TIMP3: variants seen among roughly 807,000 people sequenced by gnomAD.
The protein encoded by TIMP3 is TIMP metallopeptidase inhibitor 3.
Under a neutral mutation model 30.0 loss-of-function variants are expected in TIMP3, and 11 were observed. The ratio of observed to expected loss-of-function variants is 0.37; its 90% confidence interval spans 0.23 to 0.61. The LOEUF (loss-of-function observed/expected upper bound fraction) is 0.61. Ranked by LOEUF, TIMP3 falls within the 20% of genes least tolerant of loss-of-function variation. The pLI, the probability that TIMP3 is intolerant of heterozygous loss-of-function variation, is 0.70. For missense variants in TIMP3, 181 were observed against 276.8 expected (o/e 0.65, Z 2.45); for synonymous variants, 112 against 111.3 (o/e 1.01, Z -0.04).
intron 1 of TIMP3, among the ~76,000 whole-genome samples, chr22:32,847,614 C>T (rs1178960682): frequency 6.6e-6 from 1 of 152,142 alleles, no homozygotes; most frequent in Non-Finnish European, 1.5e-5. Context: ...TTTTTAAAAA[C>T]AGAGATTAGA....
At chr22:32,844,924 T>C (rs2048017843) in intron 1 of TIMP3, among the ~76,000 whole-genome samples, 1 of 152,190 alleles carries the variant, frequency 6.6e-6, no homozygotes, top group African/African-American at 2.4e-5. Context: ...AGACAAGGTC[T>C]CACTGTGTTG....
At chr22:32,833,165 G>A (rs200613326) in intron 1 of TIMP3, among the ~76,000 whole-genome samples, 4 of 152,100 alleles carry the variant, frequency 2.6e-5, no homozygotes, top group Admixed American at 1.3e-4. Context: ...TATACTGATC[G>A]GTGGCTCCTG....
In TIMP3 at chr22:32,859,342, C is replaced by T. The variant is rs1337907303; in HGVS notation, c.601C>T (p.Pro201Ser). ...CAGCTGGTACCGAGGATGGGCCCCC[C>T]CGGATAAAAGCATCATCAATGCCAC... is the stretch of plus-strand genomic sequence containing the variant. Reference protein sequence around the residue: ...YCSWYRGWAPPDKSIINATDP With the variant: ...YCSWYRGWAPSDKSIINATDP Residue 201 changes from proline to serine, a missense_variant, in exon 5 of 5, where the codon CCG becomes TCG. By Grantham distance (74) the Pro-to-Ser change is moderately conservative. Coordinates refer to ENST00000266085, the MANE Select transcript of TIMP3 (RefSeq NM_000362.5). 3 of 1,613,164 alleles carry T rather than the reference C, an allele frequency of 1.9e-6. No individual in the cohort carries two copies. Among genetic ancestry groups the T allele is most frequent in the South Asian group, 1.1e-5 (1 of 91,078 alleles).
chr22:32,829,931 C>T (rs1425704995), intron 1 of TIMP3, among the ~76,000 whole-genome samples: 1 of 152,202 alleles, frequency 6.6e-6, no homozygotes, highest in Non-Finnish European at 1.5e-5. Flanking sequence ...AGTGACGCCT[C>T]CTCTTCCTGC....
intron 1 of TIMP3, among the ~76,000 whole-genome samples, chr22:32,831,072 T>C (rs188578483): frequency 6.6e-6 from 1 of 152,288 alleles, no homozygotes; most frequent in East Asian, 1.9e-4. Context: ...GCAGCTTCCA[T>C]GGCTGGGATG....
intron 1 of TIMP3, among the ~76,000 whole-genome samples, chr22:32,812,601 C>A (rs770811807): frequency 1.4e-4 from 21 of 152,160 alleles, no homozygotes; most frequent in Non-Finnish European, 1.6e-4. Context: ...TAAGGCTTTC[C>A]TTATCCACAG....
chr22:32,814,439 C>T (rs964017863), intron 1 of TIMP3, among the ~76,000 whole-genome samples: 1 of 152,046 alleles, frequency 6.6e-6, no homozygotes, highest in African/African-American at 2.4e-5. Flanking sequence ...GCTAAGCTAC[C>T]GTATTAAACA....
At chr22:32,849,314 C>T in intron 1 of TIMP3, 138 bp from the exon 2 acceptor site, 1 of 726,554 alleles carries the variant, frequency 1.4e-6, no homozygotes, top group Non-Finnish European at 2.5e-6. Flanking sequence ...CTTGTAAACA[C>T]AATCATCTAT....
At position 32,801,991 on chromosome 22, in the gene TIMP3, C is replaced by A. The variant is rs1359655536; in HGVS notation, c.-11C>A. The A allele has an allele frequency of 3.8e-6, 6 of 1,582,988 alleles. No homozygotes were observed. The highest frequency in any genetic ancestry group is 4.3e-6 in the Non-Finnish European group (5 of 1,171,422). ...CGAGCAGCAGCCCCGGCAGCGGCGG[C>A]AGCAGCGGCAATGACCCCTTGGCTC... On this transcript the variant is annotated 5_prime_UTR_variant, in exon 1 of 5. Transcript: ENST00000266085. The surrounding 1 kb of genome is among the most constrained non-coding windows in gnomAD (Gnocchi z 4.7).
chr22:32,841,937 G>A (rs2047918193), intron 1 of TIMP3, among the ~76,000 whole-genome samples: 2 of 152,170 alleles, frequency 1.3e-5, no homozygotes, highest in African/African-American at 4.8e-5. Flanking sequence ...ATGGTGCTGA[G>A]ACCCACAAGC....
intron 1 of TIMP3, among the ~76,000 whole-genome samples, chr22:32,822,670 C>G (rs1016723678): frequency 2.6e-5 from 4 of 152,196 alleles, no homozygotes; most frequent in African/African-American, 9.7e-5. Flanking sequence ...CAGTGAAGAT[C>G]TGCACTTCCT....
chr22:32,856,551 G>A (rs1192640933), intron 2 of TIMP3, among the ~76,000 whole-genome samples: 1 of 152,112 alleles, frequency 6.6e-6, no homozygotes, highest in Non-Finnish European at 1.5e-5. Context: ...ATAATAAATG[G>A]ACATATTTTG....
chr22:32,820,024 A>AT (rs1452939140), intron 1 of TIMP3, among the ~76,000 whole-genome samples: 2 of 151,712 alleles, frequency 1.3e-5, no homozygotes, highest in Non-Finnish European at 2.9e-5. Context: ...CCTTGAGGGG[A>AT]TTTTTTGGTG....
chr22:32,826,216 G>A (rs969725271), intron 1 of TIMP3, among the ~76,000 whole-genome samples: 9 of 152,148 alleles, frequency 5.9e-5, no homozygotes, highest in African/African-American at 2.2e-4. Flanking sequence ...ATCACTTGAG[G>A]TCAGGAGTTT....
Position 32,859,614 on chromosome 22 carries a change from G to T in TIMP3, c.*237G>T. The T allele has an allele frequency of 1.8e-6, 1 of 551,048 alleles. No individual in the cohort carries two copies. The highest frequency in any genetic ancestry group is 2.6e-5 in the South Asian group (1 of 38,304). The allele number at this position is 551,048 out of a possible 1,614,324, so 34.1% of individuals were successfully genotyped here. ...CATTCATTTCCACCTGGGAATTTCT[G>T]GTGCCATGCCAGAAAGAATGAGGAA... On this transcript the variant is annotated 3_prime_UTR_variant, in exon 5 of 5. Coordinates refer to ENST00000266085, the MANE Select transcript of TIMP3 (RefSeq NM_000362.5).
chr22:32,845,841 T>A (rs1230794636), intron 1 of TIMP3, among the ~76,000 whole-genome samples: 1 of 152,130 alleles, frequency 6.6e-6, no homozygotes, highest in East Asian at 1.9e-4. Flanking sequence ...CCACCCCACT[T>A]CCCTTGTTCC....
At chr22:32,822,651 G>A (rs1222505493) in intron 1 of TIMP3, among the ~76,000 whole-genome samples, 2 of 152,152 alleles carry the variant, frequency 1.3e-5, no homozygotes, top group African/African-American at 4.8e-5. Flanking sequence ...AGATTATGGT[G>A]CGTTCATACA....
chr22:32,849,754 G>A (rs1259019193), intron 2 of TIMP3, among the ~76,000 whole-genome samples: 1 of 152,164 alleles, frequency 6.6e-6, no homozygotes, highest in Non-Finnish European at 1.5e-5. Context: ...TGCAGGTGGA[G>A]TCACTCCAAG....
intron 2 of TIMP3, among the ~76,000 whole-genome samples, chr22:32,854,174 A>G (rs917502043): frequency 6.6e-6 from 1 of 152,330 alleles, no homozygotes; most frequent in African/African-American, 2.4e-5. Flanking sequence ...AACACAACTG[A>G]GTAGAATCTA....
Sources: allele counts gnomAD v4.1 joint callset (sites outside exome capture counted in the v4.1 genomes callset), GRCh38; gene constraint gnomAD v4.1.1; non-coding constraint Gnocchi (gnomAD v3.1); transcripts MANE v1.5; gene names NCBI Gene and HGNC (gene_info 2026-07-23, HGNC 2026-07-21).